The following CLVS1 variants were observed in gnomAD, a reference collection of about 807,000 sequenced individuals.
The protein encoded by CLVS1 is clavesin-1.
Under a neutral mutation model 33.1 loss-of-function variants are expected in CLVS1, and 10 were observed. The ratio of observed to expected loss-of-function variants is 0.30; its 90% confidence interval spans 0.19 to 0.51. CLVS1 has a LOEUF of 0.51. Among genes scored for constraint, CLVS1 ranks in the 20% least tolerant of loss-of-function variants. CLVS1 has a pLI of 0.97. For synonymous variants in CLVS1, 163 were observed against 166.1 expected, an observed-to-expected ratio of 0.98 and a Z score of 0.14; for missense variants, 343 against 433.4, an observed-to-expected ratio of 0.79 and a Z score of 1.85.
chr8:61,319,159 T>C (rs919687164), intron 2 of CLVS1, among the ~76,000 whole-genome samples: 1 of 152,206 alleles, frequency 6.6e-6, no homozygotes, highest in Non-Finnish European at 1.5e-5. Flanking sequence ...TGTCATGTTG[T>C]TTGTGGTTTT....
intron 5 of CLVS1, among the ~76,000 whole-genome samples, chr8:61,476,887 G>A (rs1447884938): frequency 1.3e-5 from 2 of 152,166 alleles, no homozygotes; most frequent in African/African-American, 4.8e-5. Flanking sequence ...GTTTTCAAAG[G>A]GAATGCTTCC....
At chr8:61,062,961 C>G (rs1251165748) in intron 1 of CLVS1, among the ~76,000 whole-genome samples, 1 of 152,088 alleles carries the variant, frequency 6.6e-6, no homozygotes, top group African/African-American at 2.4e-5. Context: ...TATTGTGTAT[C>G]AGACTCTCTG....
intron 2 of CLVS1, among the ~76,000 whole-genome samples, chr8:61,319,468 G>C (rs1164080704): frequency 6.6e-6 from 1 of 152,136 alleles, no homozygotes; most frequent in African/African-American, 2.4e-5. Context: ...TTACAACTAG[G>C]ATTCCTCACT....
chr8:60,999,903 G>A, the CLVS1 span, among the ~76,000 whole-genome samples: 15 of 152,184 alleles, frequency 9.9e-5, no homozygotes, highest in African/African-American at 3.1e-4. Flanking sequence ...GGGTGAAAGC[G>A]GGTAAGAGAA....
intron 1 of CLVS1, among the ~76,000 whole-genome samples, chr8:61,102,693 A>G (rs1805472373): frequency 6.6e-6 from 1 of 152,176 alleles, no homozygotes; most frequent in South Asian, 2.1e-4. Flanking sequence ...TTCACTCCTA[A>G]CTGCTATCAT....
chr8:61,413,351 T>A (rs1215847247), intron 3 of CLVS1, among the ~76,000 whole-genome samples: 2 of 152,102 alleles, frequency 1.3e-5, no homozygotes, highest in African/African-American at 4.8e-5. Context: ...CCCTATTAAC[T>A]TCAGCAGGAA....
chr8:61,092,464 T>C (rs1805267903), intron 1 of CLVS1, among the ~76,000 whole-genome samples: 1 of 152,214 alleles, frequency 6.6e-6, no homozygotes, highest in African/African-American at 2.4e-5. Flanking sequence ...AACACAAATT[T>C]ACTGTCTTAT....
the CLVS1 span, among the ~76,000 whole-genome samples, chr8:60,999,997 G>C: frequency 6.6e-6 from 1 of 152,206 alleles, no homozygotes; most frequent in Non-Finnish European, 1.5e-5. Flanking sequence ...GATGGAGTTG[G>C]CTTGGATGGG....
intron 2 of CLVS1, among the ~76,000 whole-genome samples, chr8:61,197,672 C>T (rs1382823938): frequency 6.6e-6 from 1 of 152,056 alleles, no homozygotes; most frequent in African/African-American, 2.4e-5. Flanking sequence ...AGCGCCTGCC[C>T]CCACACCCCG....
At position 61,243,748 on chromosome 8, in the gene CLVS1, A is replaced by G. The variant is rs998423314; in HGVS notation, c.-151-55929A>G. 2.6e-4 allele frequency among the ~76,000 whole-genome samples: 39 copies of G among 152,134 alleles called. 1 individual carries two copies. Among genetic ancestry groups the G allele is most frequent in the Non-Finnish European group, 1.3e-4 (9 of 68,020 alleles). On this transcript the variant is annotated intron_variant, in intron 2 of 2. Coordinates refer to the CLVS1 transcript ENST00000522621. ...TGTCAAGCAGTATCACTAAGGGGTTATCAATTATTTTAGCCTTTTAAGAAA... is the reference window on the plus strand; with the variant it reads ...TGTCAAGCAGTATCACTAAGGGGTTGTCAATTATTTTAGCCTTTTAAGAAA...
intron 3 of CLVS1, among the ~76,000 whole-genome samples, chr8:61,449,115 A>G (rs1284317807): frequency 6.6e-6 from 1 of 152,082 alleles, no homozygotes; most frequent in Admixed American, 6.5e-5. Flanking sequence ...GTAGAAGTCC[A>G]TGTTCCTCAC....
chr8:61,103,023 A>G (rs144953496), intron 1 of CLVS1, among the ~76,000 whole-genome samples: 1 of 152,054 alleles, frequency 6.6e-6, no homozygotes, highest in Non-Finnish European at 1.5e-5. Context: ...GAAGGCTTTC[A>G]TTTCATTTAT....
intron 2 of CLVS1, among the ~76,000 whole-genome samples, chr8:61,199,812 G>A (rs916505780): frequency 1.3e-5 from 2 of 152,148 alleles, no homozygotes; most frequent in South Asian, 4.1e-4. Flanking sequence ...ACCTTTTTAT[G>A]TAGAGAAACT....
the CLVS1 span, among the ~76,000 whole-genome samples, chr8:60,984,128 G>A: frequency 6.6e-6 from 1 of 152,084 alleles, no homozygotes; most frequent in African/African-American, 2.4e-5. Flanking sequence ...AAAGGGTGGT[G>A]AGGATGACCC....
intron 2 of CLVS1, among the ~76,000 whole-genome samples, chr8:61,179,125 A>G (rs1398613234): frequency 6.6e-6 from 1 of 152,220 alleles, no homozygotes; most frequent in South Asian, 2.1e-4. Flanking sequence ...AGACACACAT[A>G]GGCTCAAAAT....
At chr8:61,238,418 C>A (rs1000736683) in intron 2 of CLVS1, among the ~76,000 whole-genome samples, 1 of 151,898 alleles carries the variant, frequency 6.6e-6, no homozygotes, top group Non-Finnish European at 1.5e-5. Flanking sequence ...CCCTCCTTTT[C>A]TTTTTCCCCC....
At position 61,459,876 on chromosome 8, in the gene CLVS1, G is replaced by A. The variant is rs200554482; in HGVS notation, c.977+1334G>A. On this transcript the variant is annotated intron_variant, in intron 5 of 5. Transcript: ENST00000325897. ...AAGGGCAAGATCAAGGTGTTGGCAA[G>A]GTTGGTTTCTCCTGAGGCCTCTCTC... 2.0e-5 allele frequency among the ~76,000 whole-genome samples: 3 copies of A among 152,172 alleles called. No individual in the cohort carries two copies. In the East Asian group the frequency reaches 5.8e-4, roughly 29 times the overall value.
intron 2 of CLVS1, among the ~76,000 whole-genome samples, chr8:61,181,697 C>CTTTTTTTTT (rs369025438): frequency 1.7e-4 from 18 of 103,196 alleles, no homozygotes; most frequent in South Asian, 3.7e-4. Context: ...ACCATCTGAT[C>CTTTTTTTTT]TTTTTTTTTT....
chr8:61,167,812 G>A (rs564220299), intron 2 of CLVS1, among the ~76,000 whole-genome samples: 1 of 152,246 alleles, frequency 6.6e-6, no homozygotes, highest in Admixed American at 6.5e-5. Context: ...ACCACTGGTT[G>A]TCCTCACTGC....
Sources: allele counts gnomAD v4.1 joint callset (sites outside exome capture counted in the v4.1 genomes callset), GRCh38; gene constraint gnomAD v4.1.1; transcripts MANE v1.5; gene names NCBI Gene and HGNC (gene_info 2026-07-23, HGNC 2026-07-21).